Variants in KCNG4 observed in about 807,000 individuals in gnomAD.
KCNG4 encodes the protein voltage-gated potassium channel regulatory subunit KCNG4.
Under a neutral mutation model 28.2 loss-of-function variants are expected in KCNG4, and 30 were observed. That is an observed-to-expected ratio of 1.06 (90% CI 0.80 to 1.44). The LOEUF is 1.44. KCNG4 is among the 40% of genes most tolerant of loss of function. The pLI is 0.00. For synonymous variants in KCNG4, 375 were observed against 315.5 expected, an observed-to-expected ratio of 1.19 and a Z score of -2.00; for missense variants, 879 against 712.3, an observed-to-expected ratio of 1.23 and a Z score of -2.66.
Position 84,236,755 on chromosome 16 carries a change from G to C in KCNG4, c.731C>G (p.Pro244Arg). 1 of 1,613,314 alleles carries C rather than the reference G, an allele frequency of 6.2e-7. No individual in the cohort carries two copies. Among genetic ancestry groups the C allele is most frequent in the African/African-American group, 1.3e-5 (1 of 75,056 alleles). Residue 244 changes from proline (P) to arginine (R), a missense_variant, in exon 2 of 3, where the codon CCC becomes CGC. Transcript: ENST00000308251. The stretch of plus-strand genomic sequence containing the variant: ...CTGGTCCTCCTCTGCCCTGAGGTCG[G>C]GCATGGTGCTGACACACAGGCTGAC... ...TAVSLCVSTM[P>R]DLRAEEDQGE...
chr16:84,224,315 T>G (rs960871289), intron 2 of KCNG4, among the ~76,000 whole-genome samples: 1 of 152,034 alleles, frequency 6.6e-6, no homozygotes, highest in African/African-American at 2.4e-5. Context: ...TTAATTAATG[T>G]AGGTTTGAGC....
intron 2 of KCNG4, among the ~76,000 whole-genome samples, chr16:84,234,633 T>C (rs1443332156): frequency 1.3e-5 from 2 of 152,236 alleles, no homozygotes; most frequent in East Asian, 1.9e-4. Flanking sequence ...CTGTGGGTTA[T>C]AGCCCTGGGA....
rs1022960449 is a variant in KCNG4 at position 84,220,052 on chromosome 16, G to C, written c.*2165C>G. ...CACTCCAGCCTGGCGGACAGAGAGA[G>C]ACTCTGTCAATAAATAAATAAATAA... is the stretch of plus-strand genomic sequence containing the variant. On this transcript the variant is annotated 3_prime_UTR_variant, in exon 3 of 3. Transcript: ENST00000308251. 1.3e-5 allele frequency: 2 copies of C among 152,060 alleles called. No homozygotes were observed. Among genetic ancestry groups the C allele is most frequent in the African/African-American group, 4.8e-5 (2 of 41,372 alleles). The allele number at this position is 152,060 out of a possible 1,614,324, so 9.4% of individuals were successfully genotyped here.
rs959967203 is a variant in KCNG4, at chr16:84,222,045, C to G, written c.*172G>C. On this transcript the variant is annotated 3_prime_UTR_variant, in exon 3 of 3. Transcript: ENST00000308251. The stretch of plus-strand genomic sequence containing the variant: ...CAGTCAGCCTGGGACATCGGGGCCC[C>G]GAGGGACAAGGATCACAGACACACA... 2.7e-6 allele frequency: 2 copies of G among 752,706 alleles called. No individual in the cohort carries two copies. The highest frequency in any genetic ancestry group is 4.3e-6 in the Non-Finnish European group (2 of 459,918). 46.6% of individuals were successfully genotyped at this position (752,706 alleles called of 1,614,324 possible). A position where few individuals can be genotyped will look rare whatever the true frequency, so the allele number is the denominator to read the frequency against.
At position 84,226,085 on chromosome 16, in the gene KCNG4, G is replaced by A. The variant is rs1335217738; in HGVS notation, c.757-3065C>T. ...GGGTCCTAGGAACCCCCTGGGCCCTGGGCACACCGGGATGGTTGGTCACCC... is the reference window on the plus strand; with the variant it reads ...GGGTCCTAGGAACCCCCTGGGCCCTAGGCACACCGGGATGGTTGGTCACCC... On this transcript the variant is annotated intron_variant, in intron 2 of 2. Coordinates refer to ENST00000308251, the MANE Select transcript of KCNG4 (RefSeq NM_172347.3). This position sits in a 1 kb window ranked among gnomAD's most constrained non-coding sequence, Gnocchi z 4.1. Among the ~76,000 whole-genome samples, 6 of 152,242 alleles carry A rather than the reference G, an allele frequency of 3.9e-5. No individual in the cohort carries two copies. The highest frequency in any genetic ancestry group is 8.8e-5 in the Non-Finnish European group (6 of 68,036).
At chr16:84,234,897 C>G (rs935225815) in intron 2 of KCNG4, among the ~76,000 whole-genome samples, 3 of 152,198 alleles carry the variant, frequency 2.0e-5, no homozygotes, top group Non-Finnish European at 4.4e-5. Context: ...AGCCTCCCTG[C>G]TCTCTGAATT....
In KCNG4 at chr16:84,237,288, C is replaced by T. The variant is rs761170252; in HGVS notation, c.198G>A (p.Gly66=). The change falls in exon 2 of 3, where the codon GGG becomes GGA. Residue 66 remains glycine (G), a synonymous_variant. Transcript: ENST00000308251. ...TCCAGGGGAGGAGATACCTCCTGCC[C>T]CCCACGTTGATCAGGATCTCCTTCT... The part of the protein sequence containing the change: ...DLKKEILINV[G]GRRYLLPWST... 31 of 1,604,486 alleles carry T rather than the reference C, an allele frequency of 1.9e-5. No homozygotes were observed. The highest frequency in any genetic ancestry group is 2.4e-5 in the Non-Finnish European group (28 of 1,174,434).
At position 84,222,274 on chromosome 16, in the gene KCNG4, C is replaced by T; in HGVS notation, c.1503G>A (p.Met501Ile). 1 of 1,614,216 alleles carries T rather than the reference C, an allele frequency of 6.2e-7. No individual in the cohort carries two copies. The highest frequency in any genetic ancestry group is 8.5e-7 in the Non-Finnish European group (1 of 1,180,044). Reference protein sequence around the residue: ...DPHVASEHELMNDVNDLILEG... With the variant: ...DPHVASEHELINDVNDLILEG... ...CCAGGATTAGGTCATTGACATCGTTCATGAGCTCATGTTCACTGGCCACAT... is the reference window on the plus strand; with the variant it reads ...CCAGGATTAGGTCATTGACATCGTTTATGAGCTCATGTTCACTGGCCACAT... Residue 501 changes from methionine to isoleucine, a missense_variant, in exon 3 of 3, where the codon ATG becomes ATA. Coordinates refer to ENST00000308251, the MANE Select transcript of KCNG4 (RefSeq NM_172347.3).
chr16:84,220,944 C>T lies in KCNG4; in HGVS notation c.*1273G>A, dbSNP rs993391855. 6.6e-6 allele frequency: 1 copy of T among 152,520 alleles called. No individual in the cohort carries two copies. The highest frequency in any genetic ancestry group is 2.4e-5 in the African/African-American group (1 of 41,466). The allele number at this position is 152,520 out of a possible 1,614,324, so 9.4% of individuals were successfully genotyped here. On this transcript the variant is annotated 3_prime_UTR_variant, in exon 3 of 3. Transcript: ENST00000308251. ...AAGGCCCACGCCTTCTCAACCCAAC[C>T]CAGCTGTTCAGCTTCATCTCCTAAA...
In KCNG4 at chr16:84,219,190, C is replaced by T. The variant is rs1904497911; in HGVS notation, c.*3027G>A. 6.6e-6 allele frequency: 1 copy of T among 152,228 alleles called. No individual in the cohort carries two copies. Among genetic ancestry groups the T allele is most frequent in the Admixed American group, 6.5e-5 (1 of 15,288 alleles). The allele number at this position is 152,228 out of a possible 1,614,324, so 9.4% of individuals were successfully genotyped here. A position where few individuals can be genotyped will look rare whatever the true frequency, so the allele number is the denominator to read the frequency against. On this transcript the variant is annotated 3_prime_UTR_variant, in exon 3 of 3. Transcript: ENST00000308251. ...GCCCCAGGAGGCAGAGCTCTGCCTG[C>T]TTTGCTGCTGGTCTTCTTCATCCGC...
Position 84,222,670 on chromosome 16 carries a change from A to G in KCNG4, c.1107T>C (p.Arg369=). Residue 369 remains arginine (R), a synonymous_variant, in exon 3 of 3, where the codon CGT becomes CGC. Transcript: ENST00000308251. The part of the protein sequence containing the change: ...TLGLTVRRCT[R]EFGLLLLFLA... ...GGAAGAGAAGGAGCAGGCCGAACTC[A>G]CGTGTGCAACGGCGCACGGTGAGCC... The G allele has an allele frequency of 6.2e-7, 1 of 1,613,238 alleles. No homozygotes were observed. The highest frequency in any genetic ancestry group is 1.1e-5 in the South Asian group (1 of 91,052).
intron 1 of KCNG4, among the ~76,000 whole-genome samples, chr16:84,238,761 G>A (rs967125001): frequency 2.0e-5 from 3 of 152,078 alleles, no homozygotes; most frequent in Non-Finnish European, 4.4e-5. Context: ...CCAGCTACTC[G>A]GGAGGCTGAG....
chr16:84,236,283 C>A, intron 2 of KCNG4: 1 of 201,286 alleles, frequency 5.0e-6, no homozygotes, highest in East Asian at 1.2e-4. Context: ...TGCTCTAGGG[C>A]TTAGCACAGA....
intron 2 of KCNG4, chr16:84,235,413 T>C (rs1166612779): frequency 6.6e-6 from 1 of 152,218 alleles, no homozygotes; most frequent in Non-Finnish European, 1.5e-5. Context: ...ACAAGCAGGC[T>C]CTTAAATCTC....
In KCNG4 at chr16:84,222,663, C is replaced by T. The variant is rs34787244; in HGVS notation, c.1114G>A (p.Gly372Ser). Residue 372 changes from glycine (G) to serine (S), a missense_variant, in exon 3 of 3, where the codon GGC (glycine) becomes AGC (serine). By Grantham distance (56) the Gly-to-Ser change is moderately conservative. Transcript: ENST00000308251. Reference protein sequence around the residue: ...LTVRRCTREFGLLLLFLAVAI... With the variant: ...LTVRRCTREFSLLLLFLAVAI... Reference sequence around the variant, plus strand: ...ACGGCCAGGAAGAGAAGGAGCAGGCCGAACTCACGTGTGCAACGGCGCACG... The same window carrying T: ...ACGGCCAGGAAGAGAAGGAGCAGGCTGAACTCACGTGTGCAACGGCGCACG... The T allele has an allele frequency of 7.7e-4, 1,245 of 1,613,242 alleles. 10 individuals carry two copies. The East Asian group carries it at 0.014, about 18-fold the overall frequency.
chr16:84,220,390 C>T lies in KCNG4; in HGVS notation c.*1827G>A, dbSNP rs948316245. On this transcript the variant is annotated 3_prime_UTR_variant, in exon 3 of 3. Transcript: ENST00000308251. ...AGGAAAGGCAGGCTCGCCAGGAGGC[C>T]AAGGCTCCCTGGACGCTAGGTGCTG... is the stretch of plus-strand genomic sequence containing the variant. 2 of 152,302 alleles carry T rather than the reference C, an allele frequency of 1.3e-5. No homozygotes were observed. The highest frequency in any genetic ancestry group is 2.9e-5 in the Non-Finnish European group (2 of 68,134). The allele number at this position is 152,302 out of a possible 1,614,324, so 9.4% of individuals were successfully genotyped here.
intron 2 of KCNG4, among the ~76,000 whole-genome samples, chr16:84,234,133 G>A (rs1365605785): frequency 6.6e-6 from 1 of 152,168 alleles, no homozygotes; most frequent in Non-Finnish European, 1.5e-5. Context: ...GAGCTCAGGT[G>A]CTGGCTTGGT....
chr16:84,237,350 T>C lies in KCNG4; in HGVS notation c.136A>G (p.Lys46Glu). The change falls in exon 2 of 3, where the codon AAG (lysine) becomes GAG (glutamate). Residue 46 changes from lysine (K) to glutamate (E), a missense_variant. Lys to Glu is a moderately conservative substitution (Grantham distance 56). Coordinates refer to ENST00000308251, the MANE Select transcript of KCNG4 (RefSeq NM_172347.3). ...IKGLYYRRVR[K>E]VGALDASPVD... ...GGGGAGGCGTCCAGGGCACCCACCT[T>C]CCGCACCCTCCGGTAGTAAAGGCCC... 1 of 1,566,544 alleles carries C rather than the reference T, an allele frequency of 6.4e-7. No individual in the cohort carries two copies. The highest frequency in any genetic ancestry group is 8.6e-7 in the Non-Finnish European group (1 of 1,157,048).
In KCNG4 at chr16:84,226,342, G is replaced by C. The variant is rs1292929264; in HGVS notation, c.757-3322C>G. 1.3e-5 allele frequency among the ~76,000 whole-genome samples: 2 copies of C among 152,204 alleles called. No individual in the cohort carries two copies. Among genetic ancestry groups the C allele is most frequent in the Non-Finnish European group, 2.9e-5 (2 of 68,040 alleles). ...GCACAAAGTGATCAGAACAGTGGCTGCCTCTGGGTAGTGTAGGGATGGCCT... is the reference window on the plus strand; with the variant it reads ...GCACAAAGTGATCAGAACAGTGGCTCCCTCTGGGTAGTGTAGGGATGGCCT... On this transcript the variant is annotated intron_variant, in intron 2 of 2. Coordinates refer to ENST00000308251, the MANE Select transcript of KCNG4 (RefSeq NM_172347.3). The surrounding 1 kb of genome is among the most constrained non-coding windows in gnomAD (Gnocchi z 4.1).
Sources: gnomAD v4.1 joint callset for allele counts (sites outside exome capture counted in the v4.1 genomes callset) on GRCh38, gnomAD v4.1.1 for gene constraint, Gnocchi (gnomAD v3.1) non-coding constraint, MANE v1.5 for transcripts, NCBI Gene and HGNC (gene_info 2026-07-23, HGNC 2026-07-21) for gene names.